NELL1: variants seen among roughly 807,000 people sequenced by gnomAD.
The protein encoded by NELL1 is neural EGFL like 1, also known as protein kinase C-binding protein NELL1.
A neutral mutation model predicts 107.4 loss-of-function variants in NELL1; 76 were observed. The ratio of observed to expected loss-of-function variants is 0.71; its 90% CI spans 0.59 to 0.86. The LOEUF (loss-of-function observed/expected upper bound fraction) is 0.86, where lower values mean the gene tolerates loss of function less well. Ranked by LOEUF, NELL1 falls within the 40% of genes least tolerant of loss-of-function variation. The probability of loss-of-function intolerance (pLI) is 0.00; values close to 1 mark genes in which losing one functional copy is unlikely to be tolerated. For synonymous variants in NELL1, 353 were observed against 341.2 expected, an observed-to-expected ratio of 1.03 and a Z score of -0.38; for missense variants, 1,024 against 1,005.5, an observed-to-expected ratio of 1.02 and a Z score of -0.25.
At chr11:20,806,153 A>C (rs1176112320) in intron 3 of NELL1, among the ~76,000 whole-genome samples, 1 of 149,532 alleles carries the variant, frequency 6.7e-6, no homozygotes, top group Admixed American at 6.7e-5. Context: ...CAGATTGAAG[A>C]ACTCCCTTTA....
chr11:21,563,812 T>C (rs181833560), intron 17 of NELL1, among the ~76,000 whole-genome samples: 31 of 152,058 alleles, frequency 2.0e-4, no homozygotes, highest in Admixed American at 3.9e-4. Flanking sequence ...CGGAAAGCCT[T>C]TCACAGAGGA....
chr11:20,981,489 A>G (rs116154938), intron 12 of NELL1, among the ~76,000 whole-genome samples: 11 of 152,298 alleles, frequency 7.2e-5, no homozygotes, highest in African/African-American at 2.6e-4. Flanking sequence ...TAGGATATGA[A>G]GTGATGTAAA....
At chr11:20,972,134 A>C (rs1364373598) in intron 12 of NELL1, among the ~76,000 whole-genome samples, 1 of 152,186 alleles carries the variant, frequency 6.6e-6, no homozygotes, top group African/African-American at 2.4e-5. Context: ...CCACCATGGC[A>C]TATGTATACC....
In NELL1 at chr11:20,937,822, G is replaced by C. The variant is rs1266049620; in HGVS notation, c.1034G>C (p.Gly345Ala). Reference protein sequence around the residue: ...CIYGGKVLAEGQRILTKSCRE... With the variant: ...CIYGGKVLAEAQRILTKSCRE... ...TATGGAGGAAAAGTTCTTGCAGAAG[G>C]CCAGCGGATTTTAACCAAGAGCTGT... Residue 345 changes from glycine to alanine, a missense_variant, in exon 10 of 20, where the codon GGC becomes GCC. Gly to Ala is a moderately conservative substitution (Grantham distance 60). Coordinates refer to ENST00000357134, the MANE Select transcript of NELL1 (RefSeq NM_006157.5). The C allele has an allele frequency of 2.5e-6, 4 of 1,614,068 alleles. No homozygotes were observed. The highest frequency in any genetic ancestry group is 2.2e-5 in the South Asian group (2 of 91,074).
chr11:20,997,437 T>C (rs1410761825), intron 12 of NELL1, among the ~76,000 whole-genome samples: 2 of 152,168 alleles, frequency 1.3e-5, no homozygotes, highest in African/African-American at 4.8e-5. Context: ...AAATGTAGCA[T>C]GTTATCATTG....
intron 5 of NELL1, among the ~76,000 whole-genome samples, chr11:20,897,720 A>G (rs545733539): frequency 2.0e-5 from 3 of 152,346 alleles, no homozygotes; most frequent in Non-Finnish European, 4.4e-5. Context: ...CAAATTTACA[A>G]GAAAAAAACA....
At chr11:21,262,880 T>C (rs1848561242) in intron 14 of NELL1, among the ~76,000 whole-genome samples, 1 of 151,918 alleles carries the variant, frequency 6.6e-6, no homozygotes, top group Non-Finnish European at 1.5e-5. Context: ...TTTCTTTTTC[T>C]AGCTTTCCTG....
chr11:21,333,589 T>C (rs1343194218), intron 14 of NELL1, among the ~76,000 whole-genome samples: 1 of 152,080 alleles, frequency 6.6e-6, no homozygotes, highest in African/African-American at 2.4e-5. Context: ...TTTCATCACA[T>C]GGTTCCCATC....
intron 14 of NELL1, among the ~76,000 whole-genome samples, chr11:21,239,836 C>G (rs1170706484): frequency 6.6e-6 from 1 of 152,028 alleles, no homozygotes; most frequent in Non-Finnish European, 1.5e-5. Context: ...GGGCTGGCAT[C>G]TTCTCACTTC....
chr11:20,921,067 T>C (rs1228212442), intron 7 of NELL1, among the ~76,000 whole-genome samples: 1 of 152,132 alleles, frequency 6.6e-6, no homozygotes, highest in African/African-American at 2.4e-5. Context: ...AAGGACCAGC[T>C]AGTAAATTTT....
intron 14 of NELL1, among the ~76,000 whole-genome samples, chr11:21,285,610 G>C (rs1849098278): frequency 6.6e-6 from 1 of 152,148 alleles, no homozygotes; most frequent in Admixed American, 6.5e-5. Flanking sequence ...CTTCTGGAAA[G>C]GGGATTCTTG....
intron 12 of NELL1, among the ~76,000 whole-genome samples, chr11:20,986,803 C>A (rs1379066434): frequency 2.0e-5 from 3 of 151,958 alleles, no homozygotes; most frequent in Non-Finnish European, 2.9e-5. Context: ...CTTTCAACTA[C>A]AATGATGGGA....
In NELL1 at chr11:20,927,371, G is replaced by T. The variant is rs1850521713; in HGVS notation, c.823G>T (p.Val275Leu). 6.2e-7 allele frequency: 1 copy of T among 1,613,496 alleles called. No homozygotes were observed. Among genetic ancestry groups the T allele is most frequent in the South Asian group, 1.1e-5 (1 of 90,956 alleles). ...CTGTCATTGTGAGAAGACTTGTCAAGTGAGTGGACTGCTCTATCGAGATCA... is the reference window on the plus strand; with the variant it reads ...CTGTCATTGTGAGAAGACTTGTCAATTGAGTGGACTGCTCTATCGAGATCA... ...ENCHCEKTCQVSGLLYRDQDS... is the reference protein window; with the variant it reads ...ENCHCEKTCQLSGLLYRDQDS... The change falls in exon 8 of 20, where the codon GTG (valine) becomes TTG (leucine). Residue 275 changes from valine to leucine, a missense_variant. Transcript: ENST00000357134.
At chr11:21,468,348 T>G (rs555817750) in intron 15 of NELL1, among the ~76,000 whole-genome samples, 20 of 152,224 alleles carry the variant, frequency 1.3e-4, no homozygotes, top group Non-Finnish European at 2.8e-4. Context: ...TAATTATGCA[T>G]CCTTAGTTAT....
At chr11:20,909,344 A>G (rs1380076849) in intron 5 of NELL1, among the ~76,000 whole-genome samples, 7 of 152,210 alleles carry the variant, frequency 4.6e-5, no homozygotes, top group Non-Finnish European at 1.0e-4. Context: ...AAAACAAAAC[A>G]GGTAGCTTGG....
chr11:21,435,490 T>G (rs1413652739), intron 15 of NELL1, among the ~76,000 whole-genome samples: 2 of 128,478 alleles, frequency 1.6e-5, no homozygotes, highest in South Asian at 2.7e-4. Flanking sequence ...TCGTTTTTTG[T>G]TTTTTGTTTT....
rs116350771 is a variant in NELL1 at position 21,482,061 on chromosome 11, C to T, written c.1646-52313C>T. ...GTTCATTTTGATAAATAATAGAAAT[C>T]TACTTTGGATAAATTTAAGCAAAAA... On this transcript the variant is annotated intron_variant, in intron 15 of 19. Transcript: ENST00000357134. 7.6e-3 allele frequency among the ~76,000 whole-genome samples: 1,153 copies of T among 152,146 alleles called. 20 individuals are homozygous for T. Among genetic ancestry groups the T allele is most frequent in the African/African-American group, 0.027 (1,105 of 41,502 alleles).
intron 15 of NELL1, among the ~76,000 whole-genome samples, chr11:21,415,085 G>A (rs1240590855): frequency 6.6e-6 from 1 of 152,084 alleles, no homozygotes; most frequent in South Asian, 2.1e-4. Flanking sequence ...CACTCCTGCA[G>A]GGCTGTTAAA....
At chr11:20,855,144 C>A (rs1404356351) in intron 4 of NELL1, among the ~76,000 whole-genome samples, 1 of 151,532 alleles carries the variant, frequency 6.6e-6, no homozygotes. Context: ...AGTAGCAGAC[C>A]TATTTCTAAT....
Sources: gnomAD v4.1 joint callset for allele counts (sites outside exome capture counted in the v4.1 genomes callset) on GRCh38, gnomAD v4.1.1 for gene constraint, MANE v1.5 for transcripts, NCBI Gene and HGNC (gene_info 2026-07-23, HGNC 2026-07-21) for gene names.